The following BMPR1B variants were observed in gnomAD, a reference collection of about 807,000 sequenced individuals.
BMPR1B encodes bone morphogenetic protein receptor type-1B.
BMPR1B carries 12 observed loss-of-function variants against 59.1 expected under a neutral mutation model. The observed-to-expected ratio is 0.20, with a 90% CI of 0.13 to 0.33. The LOEUF (loss-of-function observed/expected upper bound fraction) is 0.33. Among genes scored for constraint, BMPR1B ranks in the 10% least tolerant of loss-of-function variants. BMPR1B has a pLI of 1.00. For synonymous variants in BMPR1B, 237 were observed against 207.3 expected (o/e 1.14, Z -1.23); for missense variants, 550 against 610.9 (o/e 0.90, Z 1.05).
intron 3 of BMPR1B, among the ~76,000 whole-genome samples, chr4:95,010,829 TTCTC>T (rs1173778822): frequency 1.3e-5 from 2 of 152,170 alleles, no homozygotes; most frequent in East Asian, 1.9e-4. Flanking sequence ...GGTTGACAGA[TTCTC>T]TCTCCTACTA....
intron 3 of BMPR1B, among the ~76,000 whole-genome samples, chr4:95,079,375 G>T (rs557701391): frequency 6.6e-6 from 1 of 152,248 alleles, no homozygotes; most frequent in Non-Finnish European, 1.5e-5. Flanking sequence ...TGAGGATGTA[G>T]CAGTTAGCCA....
chr4:95,140,909 G>T (rs1734189709), intron 10 of BMPR1B, among the ~76,000 whole-genome samples: 1 of 152,138 alleles, frequency 6.6e-6, no homozygotes, highest in Admixed American at 6.5e-5. Context: ...AGAATGAACT[G>T]AATGACCTCT....
At chr4:94,769,852 T>C (rs147731746) in intron 1 of BMPR1B, among the ~76,000 whole-genome samples, 1 of 152,370 alleles carries the variant, frequency 6.6e-6, no homozygotes, top group Non-Finnish European at 1.5e-5. Context: ...ATCTTAGTTA[T>C]CCTCAGTCTA....
chr4:94,939,991 A>C (rs1729448861), intron 2 of BMPR1B, among the ~76,000 whole-genome samples: 1 of 152,196 alleles, frequency 6.6e-6, no homozygotes, highest in Admixed American at 6.5e-5. Context: ...AAGTAATCTG[A>C]TACTACTCCT....
chr4:95,053,085 G>A lies in BMPR1B; in HGVS notation c.-17-51323G>A, dbSNP rs537277098. 1.3e-4 allele frequency among the ~76,000 whole-genome samples: 20 copies of A among 152,204 alleles called. No individual in the cohort carries two copies. In the East Asian group the frequency reaches 3.7e-3, roughly 28 times the overall value. ...AGTTATGCCAATAAAAAGCAAAGAGGCCATATGCTACAGACAGAATCTTTG... is the reference window on the plus strand; with the variant it reads ...AGTTATGCCAATAAAAAGCAAAGAGACCATATGCTACAGACAGAATCTTTG... On this transcript the variant is annotated intron_variant, in intron 3 of 12. Transcript: ENST00000515059.
intron 2 of BMPR1B, among the ~76,000 whole-genome samples, chr4:94,894,873 A>G (rs965388536): frequency 1.3e-5 from 2 of 151,726 alleles, no homozygotes; most frequent in Non-Finnish European, 2.9e-5. Flanking sequence ...AAATGGCTGT[A>G]TAAATAACAT....
chr4:94,809,727 A>T (rs1407684078), intron 1 of BMPR1B, among the ~76,000 whole-genome samples: 1 of 152,258 alleles, frequency 6.6e-6, no homozygotes, highest in Non-Finnish European at 1.5e-5. Context: ...AACAATGGAC[A>T]AGAATTTGAA....
At chr4:94,871,728 C>T (rs1726505929) in intron 1 of BMPR1B, among the ~76,000 whole-genome samples, 1 of 152,118 alleles carries the variant, frequency 6.6e-6, no homozygotes, top group Non-Finnish European at 1.5e-5. Context: ...GGTTTGATTG[C>T]TCCAGTAAGG....
chr4:94,910,067 C>A (rs771804284), intron 2 of BMPR1B, among the ~76,000 whole-genome samples: 5 of 151,908 alleles, frequency 3.3e-5, no homozygotes. Flanking sequence ...AAAAAAAGAG[C>A]CTTTAAAAGA....
At chr4:94,839,763 T>C (rs191554000) in intron 1 of BMPR1B, among the ~76,000 whole-genome samples, 1 of 137,456 alleles carries the variant, frequency 7.3e-6, no homozygotes, top group Non-Finnish European at 1.6e-5. Flanking sequence ...CATTTACATT[T>C]AAAGTTAATA....
chr4:94,762,611 T>C (rs1043939250), intron 1 of BMPR1B, among the ~76,000 whole-genome samples: 2 of 152,206 alleles, frequency 1.3e-5, no homozygotes, highest in African/African-American at 2.4e-5. Flanking sequence ...GTATAAAATA[T>C]GTATTTTATT....
At position 94,970,310 on chromosome 4, in the gene BMPR1B, C is replaced by T. The variant is rs867081960; in HGVS notation, c.-112-25730C>T. ...TCTTCTCTTCTCTTCTCTTCTTTCT[C>T]TCTCTCTTTCTCTCTTTTTCTCTTT... On this transcript the variant is annotated intron_variant, in intron 2 of 12. Coordinates refer to ENST00000515059, the MANE Select transcript of BMPR1B (RefSeq NM_001203.3). 1.3e-4 allele frequency among the ~76,000 whole-genome samples: 17 copies of T among 127,330 alleles called. No individual in the cohort carries two copies. In the South Asian group the frequency reaches 1.4e-3, roughly 10 times the overall value. 83.5% of individuals were successfully genotyped at this position (127,330 alleles called of 152,430 possible).
chr4:94,786,208 TATC>T (rs1252684544), intron 1 of BMPR1B, among the ~76,000 whole-genome samples: 5 of 152,210 alleles, frequency 3.3e-5, no homozygotes, highest in African/African-American at 2.4e-5. Context: ...GAAGATGTAT[TATC>T]ATGCGGGTAC....
Position 94,860,597 on chromosome 4 carries a change from C to A in BMPR1B, c.-182-15234C>A, listed in dbSNP as rs139432128. On this transcript the variant is annotated intron_variant, in intron 1 of 12. Transcript: ENST00000515059. ...ATTGGTCTCTATAGCCAGGCATATT[C>A]TGTTTTTTAAGATTGTCTATTTATA... Among the ~76,000 whole-genome samples the A allele has an allele frequency of 6.4e-4, 97 of 152,230 alleles. No homozygotes were observed. The East Asian group carries it at 0.016, about 26-fold the overall frequency.
rs539371751 is a variant in BMPR1B, at chr4:95,054,199, ATAT to A, written c.-17-50207_-17-50205del. Among the ~76,000 whole-genome samples the A allele has an allele frequency of 4.5e-3, 689 of 152,300 alleles. 5 individuals are homozygous for A. Among genetic ancestry groups the A allele is most frequent in the African/African-American group, 0.016 (654 of 41,574 alleles). On this transcript the variant is annotated intron_variant, in intron 3 of 12. Transcript: ENST00000515059. ...AGATTTATATGAAGGAATATGTGTAATATTGCACTTCCACCTCAAGTGGCACAA... is the reference window on the plus strand; with the variant it reads ...AGATTTATATGAAGGAATATGTGTAATGCACTTCCACCTCAAGTGGCACAA...
intron 2 of BMPR1B, among the ~76,000 whole-genome samples, chr4:94,987,771 A>G (rs1721507567): frequency 1.3e-5 from 2 of 152,020 alleles, no homozygotes; most frequent in Non-Finnish European, 2.9e-5. Flanking sequence ...TTTTTTCTAG[A>G]CATAACTATT....
intron 1 of BMPR1B, among the ~76,000 whole-genome samples, chr4:94,837,381 C>T (rs1724867268): frequency 7.0e-6 from 1 of 142,688 alleles, no homozygotes; most frequent in Admixed American, 6.9e-5. Flanking sequence ...ATTGATTCTT[C>T]CTACCCATGA....
At chr4:94,783,873 G>A (rs964723485) in intron 1 of BMPR1B, among the ~76,000 whole-genome samples, 1 of 152,106 alleles carries the variant, frequency 6.6e-6, no homozygotes, top group African/African-American at 2.4e-5. Context: ...AGAAGTGCTG[G>A]TGGCCCCTCC....
intron 1 of BMPR1B, among the ~76,000 whole-genome samples, chr4:94,763,563 A>G (rs1721858783): frequency 6.6e-6 from 1 of 152,230 alleles, no homozygotes; most frequent in South Asian, 2.1e-4. Flanking sequence ...CTTATCGGCT[A>G]AAGGAAAAAA....
Sources: gnomAD v4.1 joint callset for allele counts (sites outside exome capture counted in the v4.1 genomes callset) on GRCh38, gnomAD v4.1.1 for gene constraint, MANE v1.5 for transcripts, NCBI Gene and HGNC (gene_info 2026-07-23, HGNC 2026-07-21) for gene names.